SEC23B: variants seen among roughly 807,000 people sequenced by gnomAD.
The protein encoded by SEC23B is SEC23 homolog B, COPII component.
A neutral mutation model predicts 104.3 loss-of-function variants in SEC23B; 77 were observed. That is an observed-to-expected ratio of 0.74 (90% CI 0.61 to 0.89). The LOEUF (loss-of-function observed/expected upper bound fraction) is 0.89. SEC23B is among the 40% of genes least tolerant of loss of function. SEC23B has a pLI of 0.00. For synonymous variants in SEC23B, 338 were observed against 332.5 expected, an observed-to-expected ratio of 1.02 and a Z score of -0.18; for missense variants, 885 against 949.4, an observed-to-expected ratio of 0.93 and a Z score of 0.89.
Position 18,508,835 on chromosome 20 carries a change from C to T in SEC23B, c.-15+863C>T, listed in dbSNP as rs192380860. Among the ~76,000 whole-genome samples, 144 of 151,756 alleles carry T rather than the reference C, an allele frequency of 9.5e-4. 1 individual carries two copies. The highest frequency in any genetic ancestry group is 1.9e-3 in the East Asian group (10 of 5,158). On this transcript the variant is annotated intron_variant, in intron 1 of 19. Coordinates refer to ENST00000650089, the MANE Select transcript of SEC23B (RefSeq NM_006363.6). ...CCCAAGGTCAAGCAGTCCTCCCTGCCGCAGCCTCCCGAGTAGCTGGGATTA... is the reference window on the plus strand; with the variant it reads ...CCCAAGGTCAAGCAGTCCTCCCTGCTGCAGCCTCCCGAGTAGCTGGGATTA...
At position 18,561,042 on chromosome 20, in the gene SEC23B, A is replaced by C. The variant is rs1399763037; in HGVS notation, c.*302A>C. The C allele has an allele frequency of 8.2e-6, 3 of 365,104 alleles. No individual in the cohort carries two copies. The highest frequency in any genetic ancestry group is 6.5e-5 in the African/African-American group (3 of 46,046). 22.6% of individuals were successfully genotyped at this position (365,104 alleles called of 1,614,324 possible). ...ATTTTGGCAGCTTGTTTAGGTGAGA[A>C]TCTTAATGATCATAAAGGAAATAAA... On this transcript the variant is annotated 3_prime_UTR_variant, in exon 20 of 20. Coordinates refer to ENST00000650089, the MANE Select transcript of SEC23B (RefSeq NM_006363.6).
chr20:18,513,675 A>G (rs1466400663), intron 3 of SEC23B, among the ~76,000 whole-genome samples: 1 of 152,262 alleles, frequency 6.6e-6, no homozygotes, highest in African/African-American at 2.4e-5. Context: ...TTCGGAAACT[A>G]TAAGCAGATG....
intron 11 of SEC23B, among the ~76,000 whole-genome samples, chr20:18,533,851 A>G (rs1383692988): frequency 6.6e-6 from 1 of 152,186 alleles, no homozygotes; most frequent in African/African-American, 2.4e-5. Flanking sequence ...CTGCCTTGTT[A>G]TAAAATATTT....
chr20:18,552,042 C>A (rs979832882), intron 17 of SEC23B, among the ~76,000 whole-genome samples: 4 of 152,148 alleles, frequency 2.6e-5, no homozygotes, highest in Non-Finnish European at 5.9e-5. Context: ...AATGGCTCCT[C>A]TGAATTATTT....
intron 12 of SEC23B, 87 bp downstream of exon 12, chr20:18,535,829 C>T (rs2060225679): frequency 2.3e-5 from 23 of 1,012,322 alleles, no homozygotes; most frequent in Admixed American, 1.3e-4. Context: ...TTACTTTCTT[C>T]ACAAACCAAT....
At chr20:18,521,891 A>G (rs2060087324) in intron 4 of SEC23B, among the ~76,000 whole-genome samples, 1 of 152,168 alleles carries the variant, frequency 6.6e-6, no homozygotes, top group Non-Finnish European at 1.5e-5. Flanking sequence ...CCATTTGCCC[A>G]TTTTACGACA....
intron 11 of SEC23B, among the ~76,000 whole-genome samples, chr20:18,535,239 A>G (rs936001983): frequency 1.4e-5 from 2 of 146,720 alleles, no homozygotes; most frequent in Non-Finnish European, 3.0e-5. Context: ...ACCCGGAACG[A>G]TGGGTCACAC....
chr20:18,527,599 C>T lies in SEC23B; in HGVS notation c.1097C>T (p.Ala366Val). The T allele has an allele frequency of 1.9e-6, 3 of 1,594,920 alleles. No individual in the cohort carries two copies. Among genetic ancestry groups the T allele is most frequent in the Non-Finnish European group, 2.6e-6 (3 of 1,162,586 alleles). ...QTGLLEMKCC[A>V]NLTGGYMVMG... ...GGACTTTTGGAGATGAAGTGTTGTG[C>T]AAATCTTACTGGGTATGTTGACAGT... The change falls in exon 9 of 20, where the codon GCA becomes GTA. Residue 366 changes from alanine to valine, a missense_variant. Coordinates refer to ENST00000650089, the MANE Select transcript of SEC23B (RefSeq NM_006363.6).
intron 10 of SEC23B, among the ~76,000 whole-genome samples, chr20:18,532,171 G>A (rs1281886076): frequency 6.6e-6 from 1 of 152,150 alleles, no homozygotes; most frequent in African/African-American, 2.4e-5. Flanking sequence ...ATGCTTGAGG[G>A]TTTTCTTTTA....
chr20:18,516,918 T>TA (rs532032463), intron 4 of SEC23B, among the ~76,000 whole-genome samples: 57 of 146,516 alleles, frequency 3.9e-4, no homozygotes, highest in East Asian at 1.8e-3. Flanking sequence ...TTTCTATTTC[T>TA]AAAAAAAAAA....
At chr20:18,519,355 A>G (rs1005495539) in intron 4 of SEC23B, among the ~76,000 whole-genome samples, 1 of 152,178 alleles carries the variant, frequency 6.6e-6, no homozygotes, top group East Asian at 1.9e-4. Flanking sequence ...AGCAGAAAGT[A>G]TATGTGTCAG....
At chr20:18,528,741 C>T (rs1326202911) in intron 9 of SEC23B, among the ~76,000 whole-genome samples, 1 of 152,174 alleles carries the variant, frequency 6.6e-6, no homozygotes, top group Non-Finnish European at 1.5e-5. Flanking sequence ...GAATTCCTAC[C>T]ACGGCCTTCC....
intron 5 of SEC23B, 73 bp downstream of exon 5, chr20:18,524,742 G>C: frequency 7.4e-7 from 1 of 1,354,932 alleles, no homozygotes; most frequent in South Asian, 1.2e-5. Flanking sequence ...CTTTAAAAGA[G>C]CCTGTAGCCC....
chr20:18,559,077 T>TG (rs11481106), intron 19 of SEC23B, among the ~76,000 whole-genome samples: 36,468 of 89,786 alleles, frequency 0.41, 6,366 homozygotes, highest in East Asian at 0.49. Flanking sequence ...GGAAGGTGGT[T>TG]GGTGGGGGGG....
Position 18,532,705 on chromosome 20 carries a change from C to A in SEC23B, c.1275C>A (p.Cys425Ter). ...ELKIAGAIGP[C>*]VSLNVKGPCV... Reference sequence around the variant, plus strand: ...AGATTGCAGGAGCCATTGGTCCATGCGTATCTCTGAATGTGAAAGGACCGT... The same window carrying A: ...AGATTGCAGGAGCCATTGGTCCATGAGTATCTCTGAATGTGAAAGGACCGT... The change falls in exon 11 of 20, where the codon TGC becomes TGA. Residue 425 changes from cysteine to a stop codon, truncating the protein, a stop_gained. Coordinates refer to ENST00000650089, the MANE Select transcript of SEC23B (RefSeq NM_006363.6). LOFTEE classifies it high-confidence loss of function. The A allele has an allele frequency of 6.2e-7, 1 of 1,613,786 alleles. No homozygotes were observed. The highest frequency in any genetic ancestry group is 8.5e-7 in the Non-Finnish European group (1 of 1,179,714).
chr20:18,555,858 T>C (rs1015174921), intron 19 of SEC23B, among the ~76,000 whole-genome samples: 3 of 152,040 alleles, frequency 2.0e-5, no homozygotes, highest in Admixed American at 2.0e-4. Context: ...ACCACACTTA[T>C]GCACTTTATT....
intron 4 of SEC23B, among the ~76,000 whole-genome samples, chr20:18,524,003 C>T (rs1201628119): frequency 1.3e-5 from 2 of 152,108 alleles, no homozygotes; most frequent in East Asian, 1.9e-4. Flanking sequence ...GGCATGAACC[C>T]GGCTCATATG....
In SEC23B at chr20:18,510,938, GT is replaced by G; in HGVS notation, c.105del (p.Val36TyrfsTer10). The stretch of plus-strand genomic sequence containing the variant: ...CAGCCGGCTGGAGGCTACAAGAATG[GT>G]TGTACCCCTGGCTTGTCTCCTTACT... ...PSSRLEATRM[V>X]VPLACLLTPL... On this transcript the variant is annotated frameshift_variant, in exon 2 of 20. Coordinates refer to ENST00000650089, the MANE Select transcript of SEC23B (RefSeq NM_006363.6). LOFTEE classifies it high-confidence loss of function. 2 of 1,614,120 alleles carry G rather than the reference GT, an allele frequency of 1.2e-6. No individual in the cohort carries two copies. The highest frequency in any genetic ancestry group is 8.5e-7 in the Non-Finnish European group (1 of 1,179,988).
chr20:18,548,200 C>T (rs1006220730), intron 15 of SEC23B, among the ~76,000 whole-genome samples: 1 of 152,168 alleles, frequency 6.6e-6, no homozygotes, highest in Non-Finnish European at 1.5e-5. Flanking sequence ...ATCCGCCCGC[C>T]TCGGCCTCCC....
Sources: gnomAD v4.1 joint callset for allele counts (sites outside exome capture counted in the v4.1 genomes callset) on GRCh38, gnomAD v4.1.1 for gene constraint, MANE v1.5 for transcripts, NCBI Gene and HGNC (gene_info 2026-07-23, HGNC 2026-07-21) for gene names.